The following ABCA12 variants were observed in gnomAD, a reference collection of about 807,000 sequenced individuals.
ABCA12 encodes the protein glucosylceramide transporter ABCA12.
A neutral mutation model predicts 293.5 loss-of-function variants in ABCA12; 156 were observed. The ratio of observed to expected loss-of-function variants is 0.53; its 90% confidence interval spans 0.47 to 0.61. The LOEUF is 0.61. Among genes scored for constraint, ABCA12 ranks in the 20% least tolerant of loss-of-function variants. The probability of loss-of-function intolerance (pLI) is 0.00; values close to 1 mark genes in which losing one functional copy is unlikely to be tolerated. For missense variants in ABCA12, 2,797 were observed against 3,090.2 expected (o/e 0.91, Z 2.25); for synonymous variants, 1,063 against 1,108.0 (o/e 0.96, Z 0.81).
intron 3 of ABCA12, among the ~76,000 whole-genome samples, chr2:215,058,253 T>G (rs1701459074): frequency 6.6e-6 from 1 of 151,986 alleles, no homozygotes; most frequent in Admixed American, 6.6e-5. Context: ...CAACTGTGCG[T>G]GGAGTGTCAC....
At chr2:214,974,181 G>A (rs1438161888) in intron 35 of ABCA12, 139 bp from the exon 36 acceptor site, 10 of 795,392 alleles carry the variant, frequency 1.3e-5, no homozygotes, top group South Asian at 3.0e-5. Flanking sequence ...CATAACTTCA[G>A]TGTACATTGC....
intron 52 of ABCA12, 110 bp from the exon 53 acceptor site, chr2:214,932,851 T>A (rs1395967970): frequency 9.0e-6 from 7 of 777,876 alleles, no homozygotes; most frequent in Admixed American, 4.0e-5. Flanking sequence ...CAAGCGTGTA[T>A]ATATGTGTAT....
intron 2 of ABCA12, among the ~76,000 whole-genome samples, chr2:215,064,983 C>T (rs1426880611): frequency 3.3e-5 from 5 of 151,640 alleles, no homozygotes; most frequent in Non-Finnish European, 7.4e-5. Context: ...TTCTTTTTCC[C>T]GTTTAAAAAC....
In ABCA12 at chr2:214,949,555, G is replaced by A. The variant is rs80339083; in HGVS notation, c.6853-406C>T. ...ACAACTTCACTGAATAAACTATCGCGGCAATAGTTTCTTCGTACTGTCAAA... is the reference window on the plus strand; with the variant it reads ...ACAACTTCACTGAATAAACTATCGCAGCAATAGTTTCTTCGTACTGTCAAA... On this transcript the variant is annotated intron_variant, in intron 45 of 52. Transcript: ENST00000272895. Among the ~76,000 whole-genome samples, 1,336 of 152,094 alleles carry A rather than the reference G, an allele frequency of 8.8e-3. 28 individuals are homozygous for A. The highest frequency in any genetic ancestry group is 0.031 in the African/African-American group (1,266 of 41,496).
rs1338785644 is a variant in ABCA12 at position 214,986,711 on chromosome 2, A to C, written c.3994T>G (p.Ser1332Ala). ...TTAGGTTCAGGCTCGATGTTAGAGG[A>C]AAACATGTATTCAGGACCTGGAGAG... ...NPSASPEYMFSSNIEPEPKDL... is the reference protein window; with the variant it reads ...NPSASPEYMFASNIEPEPKDL... Residue 1332 changes from serine to alanine, a missense_variant, in exon 28 of 53, where the codon TCC becomes GCC. This residue lies in a region of ABCA12 where 2,130 missense variants were observed against 2,427.0 expected (regional missense o/e 0.88). Transcript: ENST00000272895. 1 of 1,614,130 alleles carries C rather than the reference A, an allele frequency of 6.2e-7. No individual in the cohort carries two copies. Among genetic ancestry groups the C allele is most frequent in the Admixed American group, 1.7e-5 (1 of 60,028 alleles).
chr2:214,997,077 G>A (rs1473457927), intron 23 of ABCA12, among the ~76,000 whole-genome samples: 1 of 152,180 alleles, frequency 6.6e-6, no homozygotes, highest in East Asian at 1.9e-4. Context: ...TAATGATGAA[G>A]AACGTGCCCA....
At chr2:215,106,054 T>C (rs1255407406) in intron 2 of ABCA12, among the ~76,000 whole-genome samples, 1 of 152,228 alleles carries the variant, frequency 6.6e-6, no homozygotes. Context: ...TCTGGAATCC[T>C]GCACTCATGC....
In ABCA12 at chr2:215,015,552, G is replaced by T. The variant is rs1446957551; in HGVS notation, c.1894C>A (p.Gln632Lys). 1.2e-6 allele frequency: 2 copies of T among 1,614,002 alleles called. No homozygotes were observed. The highest frequency in any genetic ancestry group is 2.7e-5 in the African/African-American group (2 of 74,922). Residue 632 changes from glutamine (Q) to lysine (K), a missense_variant, in exon 15 of 53, where the codon CAG becomes AAG. Physicochemically the swap from Gln to Lys is moderately conservative, Grantham distance 53 (BLOSUM62 1). This residue lies in a region of ABCA12 where 2,130 missense variants were observed against 2,427.0 expected (regional missense o/e 0.88). Transcript: ENST00000272895. ...AGGGTGAGTCCGATGAGGTAAGACT[G>T]CCGGGATCTCTCTGAAAGAGACAGG... ...CNLSLSERSR[Q>K]SYLIGLTLLH...
chr2:214,947,452 G>A lies in ABCA12; in HGVS notation c.7209C>T (p.Ala2403=), dbSNP rs746403011. Residue 2403 remains alanine, a synonymous_variant, in exon 48 of 53, where the codon GCC becomes GCT. Coordinates refer to ENST00000272895, the MANE Select transcript of ABCA12 (RefSeq NM_173076.3). ...GTKRKLSTAL[A]LIGKPSILLL... is the part of the protein sequence containing the mutation. The stretch of plus-strand genomic sequence containing the variant: ...GTAGAATGGAAGGTTTCCCTATCAA[G>A]GCCAGTGCAGTGGATAATTTTCTTT... The A allele has an allele frequency of 6.2e-7, 1 of 1,613,908 alleles. No individual in the cohort carries two copies. The highest frequency in any genetic ancestry group is 1.1e-5 in the South Asian group (1 of 91,064).
In ABCA12 at chr2:214,931,578, GACAA is replaced by G. The variant is rs71399158; in HGVS notation, c.*1052_*1055del. 5.9e-5 allele frequency: 9 copies of G among 152,254 alleles called. No homozygotes were observed. The highest frequency in any genetic ancestry group is 1.9e-4 in the African/African-American group (8 of 41,470). The allele number at this position is 152,254 out of a possible 1,614,324, so 9.4% of individuals were successfully genotyped here. ...AAACTTTGAGTTTATTGGTTTTCGA[GACAA>G]ACAGTCATGCCAAAGCTGACAAACT... On this transcript the variant is annotated 3_prime_UTR_variant, in exon 53 of 53. Coordinates refer to ENST00000272895, the MANE Select transcript of ABCA12 (RefSeq NM_173076.3).
At chr2:214,997,918 G>T (rs1194556267) in intron 22 of ABCA12, 109 bp from the exon 23 acceptor site, 2 of 721,554 alleles carry the variant, frequency 2.8e-6, no homozygotes, top group African/African-American at 1.8e-5. Flanking sequence ...ACTTATGATC[G>T]TGTTTTGAAA....
intron 7 of ABCA12, among the ~76,000 whole-genome samples, chr2:215,044,684 C>T (rs1701166329): frequency 6.6e-6 from 1 of 152,146 alleles, no homozygotes; most frequent in Admixed American, 6.5e-5. Flanking sequence ...CATGTACTAA[C>T]TGTAGAACCT....
intron 1 of ABCA12, among the ~76,000 whole-genome samples, chr2:215,126,328 G>A (rs111842981): frequency 0.038 from 5,833 of 151,954 alleles, 149 homozygotes; most frequent in African/African-American, 0.049. Flanking sequence ...TTAGGGGGTG[G>A]GGGTTCCTTC....
intron 1 of ABCA12, among the ~76,000 whole-genome samples, chr2:215,121,486 A>G (rs971479085): frequency 3.3e-5 from 5 of 152,186 alleles, no homozygotes; most frequent in Admixed American, 3.3e-4. Context: ...ATTTGATGGT[A>G]ACAAGAGGAT....
At chr2:215,021,965 C>T (rs915483079) in intron 11 of ABCA12, 1 of 151,838 alleles carries the variant, frequency 6.6e-6, no homozygotes, top group Non-Finnish European at 1.5e-5. Context: ...TGGAATAGAC[C>T]CAATCACTGT....
chr2:215,071,024 T>C (rs1426907572), intron 2 of ABCA12, among the ~76,000 whole-genome samples: 1 of 151,310 alleles, frequency 6.6e-6, no homozygotes, highest in Non-Finnish European at 1.5e-5. Flanking sequence ...CTACAAAAAA[T>C]ACACACTCAA....
chr2:214,950,269 CCTTGGGGG>C (rs1698713245), intron 45 of ABCA12, among the ~76,000 whole-genome samples: 1 of 151,612 alleles, frequency 6.6e-6, no homozygotes, highest in Non-Finnish European at 1.5e-5. Context: ...ATTTTGATAT[CCTTGGGGG>C]TCCTGGAACC....
chr2:215,053,070 G>T (rs891486419), intron 4 of ABCA12, among the ~76,000 whole-genome samples: 27 of 152,140 alleles, frequency 1.8e-4, no homozygotes, highest in African/African-American at 6.5e-4. Context: ...CCTCAAAGTG[G>T]TTTCTGAATG....
chr2:215,001,451 A>C (rs1700143891), intron 21 of ABCA12, 107 bp downstream of exon 21: 3 of 1,384,660 alleles, frequency 2.2e-6, no homozygotes, highest in Non-Finnish European at 3.1e-6. Context: ...CAGAGGACCT[A>C]AGGACCCCCA....
Sources: allele counts gnomAD v4.1 joint callset (sites outside exome capture counted in the v4.1 genomes callset), GRCh38; gene constraint gnomAD v4.1.1; regional missense constraint gnomAD v4.1.1; transcripts MANE v1.5; gene names NCBI Gene and HGNC (gene_info 2026-07-23, HGNC 2026-07-21).